Variants in PHF20 observed in about 807,000 individuals in gnomAD.
PHF20 encodes the protein glioma-expressed antigen 2.
Under a neutral mutation model 113.5 loss-of-function variants are expected in PHF20, and 23 were observed. The ratio of observed to expected loss-of-function variants is 0.20; its 90% CI spans 0.15 to 0.29. The LOEUF (loss-of-function observed/expected upper bound fraction) is 0.29. Ranked by LOEUF, PHF20 falls within the 10% of genes least tolerant of loss-of-function variation. The probability of loss-of-function intolerance (pLI) is 1.00; values close to 1 mark genes in which losing one functional copy is unlikely to be tolerated. For missense variants in PHF20, 943 were observed against 1,219.6 expected (o/e 0.77, Z 3.38); for synonymous variants, 434 against 457.3 (o/e 0.95, Z 0.65).
intron 16 of PHF20, 26 bp downstream of exon 16, chr20:35,939,134 T>G (rs759845644): frequency 6.4e-7 from 1 of 1,556,544 alleles, no homozygotes; most frequent in East Asian, 2.3e-5. Flanking sequence ...GTACTTGTTC[T>G]TCATTCATTG....
chr20:35,915,735 A>G (rs764126445), intron 12 of PHF20, among the ~76,000 whole-genome samples: 10 of 152,152 alleles, frequency 6.6e-5, no homozygotes, highest in Non-Finnish European at 1.3e-4. Context: ...TAGTTATTCC[A>G]TATGTCCTGA....
chr20:35,827,928 T>C (rs1390960471), intron 2 of PHF20, among the ~76,000 whole-genome samples: 1 of 152,120 alleles, frequency 6.6e-6, no homozygotes, highest in Non-Finnish European at 1.5e-5. Context: ...TAATAATGAC[T>C]CCTTAAGTCT....
intron 15 of PHF20, among the ~76,000 whole-genome samples, chr20:35,932,639 C>T (rs2055783111): frequency 6.6e-6 from 1 of 151,886 alleles, no homozygotes; most frequent in African/African-American, 2.4e-5. Context: ...CCATGTTGGC[C>T]AGGCTGGCCT....
chr20:35,838,699 C>A (rs748666245), intron 2 of PHF20, among the ~76,000 whole-genome samples: 2 of 151,862 alleles, frequency 1.3e-5, no homozygotes, highest in Non-Finnish European at 2.9e-5. Flanking sequence ...AGAAAGAATG[C>A]GATTTCAAGC....
intron 10 of PHF20, among the ~76,000 whole-genome samples, chr20:35,902,521 C>T (rs973162059): frequency 6.6e-6 from 1 of 152,176 alleles, no homozygotes; most frequent in Non-Finnish European, 1.5e-5. Context: ...TCTCCCTGTT[C>T]ATGGTAATTG....
chr20:35,900,742 CAGG>C (rs1463739209), intron 10 of PHF20, among the ~76,000 whole-genome samples: 1 of 152,054 alleles, frequency 6.6e-6, no homozygotes, highest in Admixed American at 6.6e-5. Context: ...GAGGTTGAGG[CAGG>C]AGAATTGTTT....
intron 2 of PHF20, among the ~76,000 whole-genome samples, chr20:35,806,232 C>T (rs1452915215): frequency 7.2e-6 from 1 of 139,002 alleles, no homozygotes; most frequent in Admixed American, 7.8e-5. Context: ...GCAGTTACAA[C>T]TCATTGCAGC....
At chr20:35,922,618 G>A (rs936141340) in intron 13 of PHF20, among the ~76,000 whole-genome samples, 2 of 152,014 alleles carry the variant, frequency 1.3e-5, no homozygotes, top group African/African-American at 2.4e-5. Context: ...TAATAAATAC[G>A]GTATTTGAGA....
intron 4 of PHF20, among the ~76,000 whole-genome samples, chr20:35,848,770 T>C (rs2042667320): frequency 6.7e-6 from 1 of 150,068 alleles, no homozygotes; most frequent in African/African-American, 2.5e-5. Context: ...GGTGGGAAGA[T>C]CCCTTGAGCC....
intron 13 of PHF20, among the ~76,000 whole-genome samples, chr20:35,918,459 G>A (rs562639395): frequency 3.2e-4 from 49 of 152,150 alleles, no homozygotes; most frequent in Non-Finnish European, 6.9e-4. Flanking sequence ...TCCATCTTGA[G>A]GGCCTTGGTC....
intron 9 of PHF20, among the ~76,000 whole-genome samples, chr20:35,872,882 TTGTTC>T (rs2146993470): frequency 6.6e-6 from 1 of 152,304 alleles, no homozygotes; most frequent in Admixed American, 6.5e-5. Context: ...TGTCATGTGT[TTGTTC>T]TGTATCTGTC....
At chr20:35,875,429 C>T (rs962461639) in intron 9 of PHF20, among the ~76,000 whole-genome samples, 2 of 151,698 alleles carry the variant, frequency 1.3e-5, no homozygotes, top group African/African-American at 2.4e-5. Flanking sequence ...AAAAGAGTAC[C>T]GAAGTATTCA....
chr20:35,780,631 C>T (rs2041274050), intron 1 of PHF20, among the ~76,000 whole-genome samples: 1 of 151,042 alleles, frequency 6.6e-6, no homozygotes, highest in East Asian at 1.9e-4. Context: ...ACTGCAGCCT[C>T]CGCCTCCCGG....
rs56189104 is a variant in PHF20 at position 35,793,995 on chromosome 20, C to CAAAAAAAAAAAAAAAAAAA, written c.-32-7492_-32-7474dup. On this transcript the variant is annotated intron_variant, in intron 1 of 17. Transcript: ENST00000374012. Reference sequence around the variant, plus strand: ...GGGCGACAAGAGCGGGACTCTGTCTCAAAAAAAAAAAAAAAAAAAAAAGGC... The same window carrying CAAAAAAAAAAAAAAAAAAA: ...GGGCGACAAGAGCGGGACTCTGTCTCAAAAAAAAAAAAAAAAAAAAAAAAAAAAAAAAAAAAAAAAAGGC... Among the ~76,000 whole-genome samples, 49 of 33,838 alleles carry CAAAAAAAAAAAAAAAAAAA rather than the reference C, an allele frequency of 1.4e-3. 3 individuals carry two copies. The highest frequency in any genetic ancestry group is 1.6e-3 in the Non-Finnish European group (30 of 18,286). The allele number at this position is 33,838 out of a possible 152,430, so 22.2% of individuals were successfully genotyped here. A position where few individuals can be genotyped will look rare whatever the true frequency, so the allele number is the denominator to read the frequency against.
chr20:35,863,345 A>C lies in PHF20; in HGVS notation c.753A>C (p.Glu251Asp), dbSNP rs750572738. Reference protein sequence around the residue: ...PENDIVKSPQENLREPKRKRG... With the variant: ...PENDIVKSPQDNLREPKRKRG... ...ATGACATTGTGAAGAGTCCACAAGAAAACTTGAGGGAACCCAAAAGAAAAC... is the reference window on the plus strand; with the variant it reads ...ATGACATTGTGAAGAGTCCACAAGACAACTTGAGGGAACCCAAAAGAAAAC... The change falls in exon 6 of 18, where the codon GAA becomes GAC. Residue 251 changes from glutamate (E) to aspartate (D), a missense_variant. Around this residue, in one of 3 missense-constraint regions of PHF20, gnomAD observed 592 missense variants for 787.2 expected, o/e 0.75. Transcript: ENST00000374012. 1.2e-6 allele frequency: 2 copies of C among 1,610,786 alleles called. No homozygotes were observed.
chr20:35,858,482 T>C, intron 5 of PHF20, 101 bp downstream of exon 5: 1 of 621,458 alleles, frequency 1.6e-6, no homozygotes, highest in African/African-American at 1.9e-5. Flanking sequence ...TAGCAAGTGT[T>C]TATTTCCTCC....
At chr20:35,824,191 G>A (rs945176134) in intron 2 of PHF20, among the ~76,000 whole-genome samples, 1 of 152,166 alleles carries the variant, frequency 6.6e-6, no homozygotes, top group African/African-American at 2.4e-5. Context: ...AGGAATGTCA[G>A]GAATGTATGA....
intron 9 of PHF20, among the ~76,000 whole-genome samples, chr20:35,885,290 T>C (rs1048529015): frequency 6.6e-6 from 1 of 152,028 alleles, no homozygotes; most frequent in Non-Finnish European, 1.5e-5. Flanking sequence ...ACTTTGCCAT[T>C]TGTTCTAATA....
chr20:35,873,464 TTG>T (rs372307807), intron 9 of PHF20, among the ~76,000 whole-genome samples: 17,946 of 137,618 alleles, frequency 0.13, 1,510 homozygotes, highest in African/African-American at 0.21. Flanking sequence ...GTCTGTTTTT[TTG>T]TTTTTTTTTT....
Sources: gnomAD v4.1 joint callset for allele counts (sites outside exome capture counted in the v4.1 genomes callset) on GRCh38, gnomAD v4.1.1 for gene constraint, gnomAD v4.1.1 regional missense constraint, MANE v1.5 for transcripts, NCBI Gene and HGNC (gene_info 2026-07-23, HGNC 2026-07-21) for gene names.